MTA3: variants seen among roughly 807,000 people sequenced by gnomAD.
The protein encoded by MTA3 is metastasis-associated protein MTA3.
Under a neutral mutation model 83.5 loss-of-function variants are expected in MTA3, and 34 were observed. The ratio of observed to expected loss-of-function variants is 0.41; its 90% CI spans 0.31 to 0.54. MTA3 has a LOEUF of 0.54. MTA3 is among the 20% of genes least tolerant of loss of function. The pLI, the probability that MTA3 is intolerant of heterozygous loss-of-function variation, is 0.33. For synonymous variants in MTA3, 303 were observed against 252.7 expected (o/e 1.20, Z -1.89); for missense variants, 761 against 726.4 (o/e 1.05, Z -0.55).
At chr2:42,622,112 A>G (rs1008965655) in intron 4 of MTA3, among the ~76,000 whole-genome samples, 1 of 152,124 alleles carries the variant, frequency 6.6e-6, no homozygotes, top group Non-Finnish European at 1.5e-5. Context: ...CAGCCTGGGC[A>G]ACATTGAGCA....
intron 3 of MTA3, among the ~76,000 whole-genome samples, chr2:42,587,125 G>A (rs1349984290): frequency 6.6e-6 from 1 of 152,074 alleles, no homozygotes; most frequent in African/African-American, 2.4e-5. Context: ...CCCAGGAGGC[G>A]GAGGTTGCAG....
chr2:42,697,856 A>G, intron 11 of MTA3, 22 bp downstream of exon 11: 1 of 1,468,032 alleles, frequency 6.8e-7, no homozygotes, highest in Middle Eastern at 1.7e-4. Flanking sequence ...AAATCTTTTA[A>G]AATATTTGTT....
intron 16 of MTA3, among the ~76,000 whole-genome samples, chr2:42,738,868 A>G (rs1357639675): frequency 6.6e-6 from 1 of 152,210 alleles, no homozygotes; most frequent in Non-Finnish European, 1.5e-5. Flanking sequence ...TAGCGCTCCA[A>G]GGCTTATTAG....
intron 11 of MTA3, chr2:42,698,488 A>C (rs1693587276): frequency 6.6e-6 from 1 of 152,182 alleles, no homozygotes; most frequent in African/African-American, 2.4e-5. Flanking sequence ...TTTAAAAGAA[A>C]TATAAGGTAC....
chr2:42,527,872 G>C (rs1675790337), intron 2 of MTA3, among the ~76,000 whole-genome samples: 1 of 151,504 alleles, frequency 6.6e-6, no homozygotes, highest in Admixed American at 6.6e-5. Context: ...CATAGTAAGG[G>C]TTTTGTCCTC....
intron 8 of MTA3, among the ~76,000 whole-genome samples, chr2:42,674,542 A>G (rs983384589): frequency 6.6e-6 from 1 of 150,442 alleles, no homozygotes; most frequent in South Asian, 2.1e-4. Context: ...AAAACATGGT[A>G]TCTTTGCAAA....
chr2:42,717,127 G>GTTTTTTTT (rs66521425), intron 14 of MTA3, among the ~76,000 whole-genome samples: 2 of 64,928 alleles, frequency 3.1e-5, no homozygotes, highest in African/African-American at 1.2e-4. Flanking sequence ...TCAGAAAAGA[G>GTTTTTTTT]TTTTTTTTTT....
At chr2:42,690,856 TTTTATTTATTTATTTA>T (rs35037034) in intron 9 of MTA3, among the ~76,000 whole-genome samples, 16 of 136,162 alleles carry the variant, frequency 1.2e-4, no homozygotes, top group South Asian at 2.5e-4. Context: ...TGTATTTTTA[TTTTATTTATTTATTTA>T]TTTATTTATT....
At chr2:42,648,443 T>G (rs1688415409) in intron 6 of MTA3, among the ~76,000 whole-genome samples, 1 of 152,196 alleles carries the variant, frequency 6.6e-6, no homozygotes, top group Admixed American at 6.5e-5. Context: ...AATTAATATC[T>G]TGGGTAGGTG....
At chr2:42,549,379 A>T (rs1317396453) in intron 2 of MTA3, among the ~76,000 whole-genome samples, 1 of 120,292 alleles carries the variant, frequency 8.3e-6, no homozygotes, top group Non-Finnish European at 1.6e-5. Context: ...ACGTATATAA[A>T]ATATATGTAT....
rs1670139367 is a variant in MTA3 at position 42,754,977 on chromosome 2, C to G, written c.*1578C>G. 2.0e-6 allele frequency: 2 copies of G among 985,378 alleles called. No homozygotes were observed. The highest frequency in any genetic ancestry group is 2.4e-6 in the Non-Finnish European group (2 of 830,044). 61.0% of individuals were successfully genotyped at this position (985,378 alleles called of 1,614,324 possible). A position where few individuals can be genotyped will look rare whatever the true frequency, so the allele number is the denominator to read the frequency against. On this transcript the variant is annotated 3_prime_UTR_variant, in exon 17 of 17. Transcript: ENST00000405094. ...GGGCGAGCATGGGATGTCTCCACCA[C>G]CACCCACTCTTGGAGCTGTGCTGGG...
intron 4 of MTA3, among the ~76,000 whole-genome samples, chr2:42,632,675 C>T (rs1175249420): frequency 6.6e-6 from 1 of 152,096 alleles, no homozygotes; most frequent in Non-Finnish European, 1.5e-5. Flanking sequence ...TTGCTATGCT[C>T]CACATCCCAT....
intron 14 of MTA3, 29 bp downstream of exon 14, chr2:42,709,125 T>C (rs1666379496): frequency 6.4e-7 from 1 of 1,554,920 alleles, no homozygotes; most frequent in Admixed American, 2.0e-5. Flanking sequence ...CTTAACCTTA[T>C]ATGTTGTGCT....
At chr2:42,660,171 C>T (rs572288955) in intron 8 of MTA3, among the ~76,000 whole-genome samples, 10 of 152,054 alleles carry the variant, frequency 6.6e-5, no homozygotes, top group African/African-American at 2.4e-4. Flanking sequence ...TCACTGCAAC[C>T]TCCGCCTCCT....
intron 11 of MTA3, among the ~76,000 whole-genome samples, chr2:42,699,479 A>G (rs1382539776): frequency 6.6e-6 from 1 of 152,202 alleles, no homozygotes; most frequent in East Asian, 1.9e-4. Flanking sequence ...CTTTAAGATC[A>G]CCTGCTATAT....
chr2:42,583,068 A>G (rs892972331), intron 3 of MTA3, among the ~76,000 whole-genome samples: 2 of 152,166 alleles, frequency 1.3e-5, no homozygotes, highest in African/African-American at 4.8e-5. Flanking sequence ...GATATATTTT[A>G]CCACCAAAAA....
chr2:42,521,956 G>A (rs1252064906), intron 2 of MTA3, among the ~76,000 whole-genome samples: 1 of 152,068 alleles, frequency 6.6e-6, no homozygotes, highest in Non-Finnish European at 1.5e-5. Flanking sequence ...GTTTCACCAT[G>A]TTGGCCAGGG....
intron 2 of MTA3, among the ~76,000 whole-genome samples, chr2:42,504,208 G>A (rs548298114): frequency 5.3e-5 from 8 of 151,700 alleles, no homozygotes; most frequent in African/African-American, 1.7e-4. Context: ...GGGTTTACAG[G>A]CGTGAGCTAC....
At chr2:42,678,651 A>T (rs1167313299) in intron 8 of MTA3, among the ~76,000 whole-genome samples, 3 of 152,146 alleles carry the variant, frequency 2.0e-5, no homozygotes, top group Admixed American at 1.3e-4. Context: ...TTTAAGTGAG[A>T]TGTCAACCCT....
Sources: allele counts gnomAD v4.1 joint callset (sites outside exome capture counted in the v4.1 genomes callset), GRCh38; gene constraint gnomAD v4.1.1; transcripts MANE v1.5; gene names NCBI Gene and HGNC (gene_info 2026-07-23, HGNC 2026-07-21).